Variants in ITGA6 observed in about 807,000 individuals in gnomAD.
The protein encoded by ITGA6 is integrin subunit alpha 6, also known as integrin alpha-6.
In ITGA6, 63 loss-of-function variants were observed where a neutral mutation model predicts 133.6. The ratio of observed to expected loss-of-function variants is 0.47; its 90% CI spans 0.38 to 0.58. The LOEUF (loss-of-function observed/expected upper bound fraction) is 0.58. Among genes scored for constraint, ITGA6 ranks in the 20% least tolerant of loss-of-function variants. ITGA6 has a pLI of 0.00. For synonymous variants in ITGA6, 434 were observed against 482.0 expected (o/e 0.90, Z 1.30); for missense variants, 1,068 against 1,309.4 (o/e 0.82, Z 2.85).
chr2:172,485,024 A>G, intron 12 of ITGA6, 82 bp downstream of exon 12: 1 of 1,597,004 alleles, frequency 6.3e-7, no homozygotes, highest in Non-Finnish European at 8.6e-7. Flanking sequence ...TCTGAAATTT[A>G]TTCTGGCAAC....
At chr2:172,458,383 G>GCC (rs1685300837) in intron 1 of ITGA6, among the ~76,000 whole-genome samples, 1 of 151,920 alleles carries the variant, frequency 6.6e-6, no homozygotes, top group Non-Finnish European at 1.5e-5. Context: ...GGGATTACAG[G>GCC]TGTGAGCCAC....
intron 23 of ITGA6, among the ~76,000 whole-genome samples, chr2:172,497,502 C>CAAAAAA (rs34616494): frequency 3.4e-5 from 3 of 89,518 alleles, no homozygotes; most frequent in African/African-American, 1.1e-4. Flanking sequence ...ACCCTGTCTC[C>CAAAAAA]AAAAAAAAAA....
intron 9 of ITGA6, among the ~76,000 whole-genome samples, chr2:172,477,545 G>T (rs902360565): frequency 6.6e-6 from 1 of 152,034 alleles, no homozygotes; most frequent in Non-Finnish European, 1.5e-5. Context: ...TTAATCTTGG[G>T]CTATCTCTCC....
At chr2:172,500,715 G>A (rs144791694) in intron 24 of ITGA6, among the ~76,000 whole-genome samples, 2,283 of 152,270 alleles carry the variant, frequency 0.015, 48 homozygotes, top group African/African-American at 0.051. Context: ...CTATTTACTA[G>A]CACATATTAT....
chr2:172,456,972 T>G lies in ITGA6; in HGVS notation c.183-8567T>G, dbSNP rs182713530. 2.9e-3 allele frequency among the ~76,000 whole-genome samples: 437 copies of G among 152,206 alleles called. 2 individuals are homozygous for G. Among genetic ancestry groups the G allele is most frequent in the African/African-American group, 0.01 (425 of 41,542 alleles). ...GTTGTGAATGCTGATAGAGGTTAAC[T>G]TTGGTTTTAAATAAAAATAAATAAT... On this transcript the variant is annotated intron_variant, in intron 1 of 25. Transcript: ENST00000684293.
rs564101145 is a variant in ITGA6, at chr2:172,459,434, G to A, written c.183-6105G>A. On this transcript the variant is annotated intron_variant, in intron 1 of 25. Transcript: ENST00000684293. The stretch of plus-strand genomic sequence containing the variant: ...CATGAGAAGCACTTGAACCCGGGAG[G>A]CAAAGGTTGCAGTAGGTAGAGATCA... Among the ~76,000 whole-genome samples, 4 of 152,276 alleles carry A rather than the reference G, an allele frequency of 2.6e-5. No individual in the cohort carries two copies. In the South Asian group the frequency reaches 8.3e-4, roughly 32 times the overall value.
At position 172,469,388 on chromosome 2, in the gene ITGA6, C is replaced by T. The variant is rs1309723133; in HGVS notation, c.643+8C>T. 1.2e-6 allele frequency: 2 copies of T among 1,611,916 alleles called. No individual in the cohort carries two copies. Among genetic ancestry groups the T allele is most frequent in the Non-Finnish European group, 1.7e-6 (2 of 1,178,278 alleles). ...GTACTTATAACTGGAAAGGTATGACCTTTGTATTTATAGAAATAGAGATTA... is the reference window on the plus strand; with the variant it reads ...GTACTTATAACTGGAAAGGTATGACTTTTGTATTTATAGAAATAGAGATTA... On this transcript the variant is annotated splice_region_variant and intron_variant, in intron 4 of 25. Coordinates refer to ENST00000684293, the MANE Select transcript of ITGA6 (RefSeq NM_000210.4).
intron 11 of ITGA6, 27 bp from the exon 12 acceptor site, chr2:172,484,754 AC>A: frequency 3.1e-6 from 5 of 1,601,736 alleles, no homozygotes; most frequent in Non-Finnish European, 4.3e-6. Flanking sequence ...GAATGCACTT[AC>A]GTTAATATGA....
chr2:172,447,120 A>G (rs1684800075), intron 1 of ITGA6, among the ~76,000 whole-genome samples: 1 of 151,668 alleles, frequency 6.6e-6, no homozygotes, highest in Non-Finnish European at 1.5e-5. Context: ...TTGGTCTCAA[A>G]CTCCTGACCT....
intron 5 of ITGA6, chr2:172,472,711 C>G (rs1685993530): frequency 1.9e-6 from 2 of 1,063,886 alleles, no homozygotes; most frequent in Non-Finnish European, 2.9e-6. Context: ...CAGTGGCTGT[C>G]CTGCCTCTTA....
chr2:172,475,992 A>G (rs1355278309), intron 8 of ITGA6, among the ~76,000 whole-genome samples: 1 of 152,224 alleles, frequency 6.6e-6, no homozygotes, highest in Non-Finnish European at 1.5e-5. Flanking sequence ...CTTTAGTAGC[A>G]TACTAAATAG....
chr2:172,504,395 G>A lies in ITGA6; in HGVS notation c.*327G>A. 1.8e-6 allele frequency: 1 copy of A among 554,610 alleles called. No homozygotes were observed. The highest frequency in any genetic ancestry group is 1.9e-5 in the African/African-American group (1 of 51,978). 34.4% of individuals were successfully genotyped at this position (554,610 alleles called of 1,614,324 possible). On this transcript the variant is annotated 3_prime_UTR_variant, in exon 26 of 26. Coordinates refer to ENST00000684293, the MANE Select transcript of ITGA6 (RefSeq NM_000210.4). Reference sequence around the variant, plus strand: ...ACAGTACGAACCTACAGTTTTAACTGTGGATATTGTTACGTAGCCTAAGGC... The same window carrying A: ...ACAGTACGAACCTACAGTTTTAACTATGGATATTGTTACGTAGCCTAAGGC...
At chr2:172,466,964 C>T (rs889559051) in intron 2 of ITGA6, among the ~76,000 whole-genome samples, 1 of 152,188 alleles carries the variant, frequency 6.6e-6, no homozygotes, top group African/African-American at 2.4e-5. Context: ...GGCATTGATA[C>T]ATTGTCAGCT....
intron 1 of ITGA6, among the ~76,000 whole-genome samples, chr2:172,448,268 G>C (rs957890680): frequency 6.6e-6 from 1 of 152,000 alleles, no homozygotes; most frequent in Non-Finnish European, 1.5e-5. Context: ...TCTTGTAATA[G>C]ATTTTTTTTA....
In ITGA6 at chr2:172,491,267, G is replaced by A. The variant is rs377077160; in HGVS notation, c.2825G>A (p.Arg942Gln). 38 of 1,612,834 alleles carry A rather than the reference G, an allele frequency of 2.4e-5. No homozygotes were observed. Among genetic ancestry groups the A allele is most frequent in the Admixed American group, 8.3e-5 (5 of 59,990 alleles). Residue 942 changes from arginine to glutamine, a missense_variant, in exon 22 of 26, where the codon CGG becomes CAG. Arg to Gln is a conservative substitution (Grantham distance 43). Around this residue, in one of 3 missense-constraint regions of ITGA6, gnomAD observed 609 missense variants for 707.2 expected, o/e 0.86. Coordinates refer to ENST00000684293, the MANE Select transcript of ITGA6 (RefSeq NM_000210.4). This position sits in a 1 kb window ranked among gnomAD's most constrained non-coding sequence, Gnocchi z 4.4. ...TGTGTGAACATCAGATGCCCGCTGC[G>A]GGGGCTGGACAGCAAGGCGTCTCTT... ...VNCVNIRCPL[R>Q]GLDSKASLIL...
At chr2:172,503,950 CT>C (rs770246532) in intron 25 of ITGA6, 140 bp from the exon 26 acceptor site, 2 of 563,956 alleles carry the variant, frequency 3.5e-6, no homozygotes, top group Non-Finnish European at 5.7e-6. Flanking sequence ...CCTCTTGGTT[CT>C]TTCTTAAAAG....
rs1464222445 is a variant in ITGA6, at chr2:172,438,397, T to C, written c.182+10427T>C. ...TATCCTGGTGGAAGGGCATGGGGTTTTTCCATTGCTTCTAATTTCTCAGTG... is the reference window on the plus strand; with the variant it reads ...TATCCTGGTGGAAGGGCATGGGGTTCTTCCATTGCTTCTAATTTCTCAGTG... On this transcript the variant is annotated intron_variant, in intron 1 of 25. Transcript: ENST00000684293. 1.4e-4 allele frequency among the ~76,000 whole-genome samples: 21 copies of C among 151,660 alleles called. 1 individual carries two copies. The highest frequency in any genetic ancestry group is 1.4e-3 in the Admixed American group (21 of 15,192).
chr2:172,442,438 G>A (rs934415007), intron 1 of ITGA6, among the ~76,000 whole-genome samples: 5 of 152,214 alleles, frequency 3.3e-5, no homozygotes, highest in African/African-American at 1.2e-4. Context: ...GAGGATAGAC[G>A]AAGGGTGAGG....
At chr2:172,484,656 G>A in intron 11 of ITGA6, 126 bp from the exon 12 acceptor site, 2 of 799,504 alleles carry the variant, frequency 2.5e-6, no homozygotes, top group Non-Finnish European at 4.2e-6. Context: ...ATATTACCAG[G>A]AAATATGAAG....
Sources: gnomAD v4.1 joint callset for allele counts (sites outside exome capture counted in the v4.1 genomes callset) on GRCh38, gnomAD v4.1.1 for gene constraint, gnomAD v4.1.1 regional missense constraint, Gnocchi (gnomAD v3.1) non-coding constraint, MANE v1.5 for transcripts, NCBI Gene and HGNC (gene_info 2026-07-23, HGNC 2026-07-21) for gene names.